MELTF: variants seen among roughly 807,000 people sequenced by gnomAD.
The protein encoded by MELTF is antigen p97 (melanoma associated) identified by monoclonal antibodies 133.2 and 96.5.
A neutral mutation model predicts 83.7 loss-of-function variants in MELTF; 67 were observed. The observed-to-expected ratio is 0.80, with a 90% CI of 0.66 to 0.98. The LOEUF (loss-of-function observed/expected upper bound fraction) is 0.98, where lower values mean the gene tolerates loss of function less well. Among genes scored for constraint, MELTF ranks in the 50% least tolerant of loss-of-function variants. The pLI, the probability that MELTF is intolerant of heterozygous loss-of-function variation, is 0.00. For missense variants in MELTF, 1,002 were observed against 1,035.6 expected, an observed-to-expected ratio of 0.97 and a Z score of 0.44; for synonymous variants, 462 against 447.6, an observed-to-expected ratio of 1.03 and a Z score of -0.41.
chr3:197,016,303 G>A lies in MELTF; in HGVS notation c.967C>T (p.Leu323=). ...FSSEAYGQKD[L]LFKDSTSELV... Reference sequence around the variant, plus strand: ...TCCGAGGTAGAGTCTTTGAAGAGTAGATCCTTCTGGCCATAGGCCTCAGAG... The same window carrying A: ...TCCGAGGTAGAGTCTTTGAAGAGTAAATCCTTCTGGCCATAGGCCTCAGAG... The change falls in exon 8 of 16, where the codon CTA becomes TTA. Residue 323 remains leucine, a synonymous_variant. Transcript: ENST00000296350. The A allele has an allele frequency of 6.2e-7, 1 of 1,613,010 alleles. No individual in the cohort carries two copies. Among genetic ancestry groups the A allele is most frequent in the Non-Finnish European group, 8.5e-7 (1 of 1,179,402 alleles).
chr3:197,019,546 T>C (rs1049250276), intron 6 of MELTF: 1 of 1,557,054 alleles, frequency 6.4e-7, no homozygotes, highest in African/African-American at 1.3e-5. Context: ...GAGACCAGCC[T>C]GGGCAACATG....
intron 4 of MELTF, 109 bp from the exon 5 acceptor site, chr3:197,023,222 G>T: frequency 1.8e-6 from 2 of 1,112,006 alleles, no homozygotes; most frequent in Non-Finnish European, 2.6e-6. Context: ...TGCTGAGAAT[G>T]GTTCCACCTT....
Position 197,024,577 on chromosome 3 carries a change from G to T in MELTF, c.305-92C>A. The T allele has an allele frequency of 8.4e-7, 1 of 1,186,268 alleles. No homozygotes were observed. The highest frequency in any genetic ancestry group is 1.2e-6 in the Non-Finnish European group (1 of 842,102). The allele number at this position is 1,186,268 out of a possible 1,614,324, so 73.5% of individuals were successfully genotyped here. ...TGCCTGGGCGGGCTGTGGGAGAGGT[G>T]TGTGCACGGAGCACGGCTGTACACA... On this transcript the variant is annotated intron_variant, in intron 3 of 15. Transcript: ENST00000296350. This position sits in a 1 kb window ranked among gnomAD's most constrained non-coding sequence, Gnocchi z 5.3.
intron 2 of MELTF, 115 bp downstream of exon 2, chr3:197,027,641 A>G (rs1315031242): frequency 2.7e-5 from 35 of 1,303,670 alleles, no homozygotes; most frequent in Admixed American, 1.2e-4. Flanking sequence ...GGGAGATCCT[A>G]TCGGCCGGGC....
At position 197,003,432 on chromosome 3, in the gene MELTF, CG is replaced by C; in HGVS notation, c.2156del (p.Ala719GlyfsTer77). ...CGGGCAGCAGCAGCGGGAGCAGGGG[CG>C]CCCCGGGCGCCGGGGCCGCTGGGGA... ...CSGAAAPAPG[A>X]PLLPLLLPAL... On this transcript the variant is annotated frameshift_variant, in exon 16 of 16. Coordinates refer to ENST00000296350, the MANE Select transcript of MELTF (RefSeq NM_005929.6). LOFTEE classifies it low-confidence loss of function (END_TRUNC). The surrounding 1 kb of genome is among the most constrained non-coding windows in gnomAD (Gnocchi z 6.2). 1 of 1,071,286 alleles carries C rather than the reference CG, an allele frequency of 9.3e-7. No individual in the cohort carries two copies. The highest frequency in any genetic ancestry group is 1.7e-5 in the African/African-American group (1 of 57,184). 66.4% of individuals were successfully genotyped at this position (1,071,286 alleles called of 1,614,324 possible). A position where few individuals can be genotyped will look rare whatever the true frequency, so the allele number is the denominator to read the frequency against.
rs1719185928 is a variant in MELTF at position 197,011,508 on chromosome 3, G to A, written c.1234-714C>T. The stretch of plus-strand genomic sequence containing the variant: ...GGGATGACAGTGTGACAGTGGGGGA[G>A]AGTGCGGACACCTGTGCCCCAGGAA... On this transcript the variant is annotated intron_variant, in intron 9 of 15. Transcript: ENST00000296350. This position sits in a 1 kb window ranked among gnomAD's most constrained non-coding sequence, Gnocchi z 4.2. Among the ~76,000 whole-genome samples, 1 of 152,338 alleles carries A rather than the reference G, an allele frequency of 6.6e-6. No individual in the cohort carries two copies. The highest frequency in any genetic ancestry group is 1.9e-4 in the East Asian group (1 of 5,178).
In MELTF at chr3:197,022,887, G is replaced by T; in HGVS notation, c.644+70C>A. On this transcript the variant is annotated intron_variant, in intron 5 of 15. Coordinates refer to ENST00000296350, the MANE Select transcript of MELTF (RefSeq NM_005929.6). This position sits in a 1 kb window ranked among gnomAD's most constrained non-coding sequence, Gnocchi z 5.1. Reference sequence around the variant, plus strand: ...TCCACGGCCCTCTCTGGGCAAAGGTGTTTTTCCCCAGCATTTGTGGCCTCA... The same window carrying T: ...TCCACGGCCCTCTCTGGGCAAAGGTTTTTTTCCCCAGCATTTGTGGCCTCA... The T allele has an allele frequency of 6.8e-7, 1 of 1,467,144 alleles. No individual in the cohort carries two copies. The highest frequency in any genetic ancestry group is 9.2e-7 in the Non-Finnish European group (1 of 1,081,142). The allele number at this position is 1,467,144 out of a possible 1,614,324, so 90.9% of individuals were successfully genotyped here.
rs1033931242 is a variant in MELTF at position 197,011,221 on chromosome 3, G to T, written c.1234-427C>A. On this transcript the variant is annotated intron_variant, in intron 9 of 15. Coordinates refer to ENST00000296350, the MANE Select transcript of MELTF (RefSeq NM_005929.6). The surrounding 1 kb of genome is among the most constrained non-coding windows in gnomAD (Gnocchi z 4.2). ...TGCAATGCCTGTCTGTTAAATGCGT[G>T]TACAGATGGAAGAATGACCGGATCT... 9.9e-5 allele frequency among the ~76,000 whole-genome samples: 15 copies of T among 152,246 alleles called. No homozygotes were observed. Among genetic ancestry groups the T allele is most frequent in the Non-Finnish European group, 1.9e-4 (13 of 68,032 alleles).
intron 2 of MELTF, among the ~76,000 whole-genome samples, chr3:197,027,373 T>G (rs1001981650): frequency 2.1e-4 from 32 of 152,056 alleles, no homozygotes; most frequent in African/African-American, 7.7e-4. Flanking sequence ...CACCTGGGAG[T>G]CCAGCCCCTG....
chr3:197,011,457 A>G lies in MELTF; in HGVS notation c.1234-663T>C, dbSNP rs182626384. 3.5e-4 allele frequency among the ~76,000 whole-genome samples: 53 copies of G among 152,294 alleles called. No homozygotes were observed. Among genetic ancestry groups the G allele is most frequent in the African/African-American group, 1.2e-3 (49 of 41,566 alleles). ...AGGGGCTAACTGGTAACAGAGCCAT[A>G]GTAGTGTGATTAACCTCAAGGGAAG... On this transcript the variant is annotated intron_variant, in intron 9 of 15. Coordinates refer to ENST00000296350, the MANE Select transcript of MELTF (RefSeq NM_005929.6). The surrounding 1 kb of genome is among the most constrained non-coding windows in gnomAD (Gnocchi z 4.2).
Position 197,003,463 on chromosome 3 carries a change from C to T in MELTF, c.2138-12G>A. The T allele has an allele frequency of 9.7e-7, 1 of 1,028,520 alleles. No individual in the cohort carries two copies. The highest frequency in any genetic ancestry group is 1.1e-6 in the Non-Finnish European group (1 of 870,264). 63.7% of individuals were successfully genotyped at this position (1,028,520 alleles called of 1,614,324 possible). ...GGGCGCCGGGGCCGCTGGGGACGAA[C>T]GCGGCGGGTCAGGCCCCGAAGCCCG... On this transcript the variant is annotated splice_polypyrimidine_tract_variant and intron_variant, in intron 15 of 15. Transcript: ENST00000296350. This position sits in a 1 kb window ranked among gnomAD's most constrained non-coding sequence, Gnocchi z 6.2.
Position 197,007,781 on chromosome 3 carries a change from CACTA to C in MELTF, c.1750+872_1750+875del, listed in dbSNP as rs923238993. On this transcript the variant is annotated intron_variant, in intron 13 of 15. Transcript: ENST00000296350. The surrounding 1 kb of genome is among the most constrained non-coding windows in gnomAD (Gnocchi z 4.3). ...AGGAGGCAAGATCCAAGTTTTGAAA[CACTA>C]ACTGAGGTTTTCGTTTTTTTCCCTG... 5.9e-5 allele frequency among the ~76,000 whole-genome samples: 9 copies of C among 152,344 alleles called. No homozygotes were observed. Among genetic ancestry groups the C allele is most frequent in the South Asian group, 2.1e-4 (1 of 4,828 alleles).
chr3:197,021,017 C>T (rs768861258), intron 6 of MELTF, among the ~76,000 whole-genome samples: 11 of 152,184 alleles, frequency 7.2e-5, no homozygotes, highest in African/African-American at 2.7e-4. Context: ...ACAAATTCTC[C>T]AGGCAAGAGG....
Position 197,027,803 on chromosome 3 carries a change from G to A in MELTF, c.157C>T (p.Leu53Phe), listed in dbSNP as rs1719920804. The A allele has an allele frequency of 2.5e-6, 4 of 1,611,200 alleles. No individual in the cohort carries two copies. The highest frequency in any genetic ancestry group is 3.4e-6 in the Non-Finnish European group (4 of 1,179,220). ...FREAGIQPSLLCVRGTSADHC... is the reference protein window; with the variant it reads ...FREAGIQPSLFCVRGTSADHC... Reference sequence around the variant, plus strand: ...TCGGCGGAGGTGCCCCGGACGCAGAGGAGGGAGGGCTGGATGCCCGCTTCC... The same window carrying A: ...TCGGCGGAGGTGCCCCGGACGCAGAAGAGGGAGGGCTGGATGCCCGCTTCC... The change falls in exon 2 of 16, where the codon CTC becomes TTC. Residue 53 changes from leucine (L) to phenylalanine (F), a missense_variant. By Grantham distance (22) the Leu-to-Phe change is conservative. Transcript: ENST00000296350.
At chr3:197,021,622 G>A (rs1560221173) in intron 5 of MELTF, 151 bp from the exon 6 acceptor site, 5 of 692,780 alleles carry the variant, frequency 7.2e-6, no homozygotes, top group South Asian at 5.3e-5. Context: ...CTGGCTGGTC[G>A]GCTGTGTGCC....
intron 14 of MELTF, among the ~76,000 whole-genome samples, chr3:197,005,048 G>A (rs954506937): frequency 6.6e-6 from 1 of 152,232 alleles, no homozygotes; most frequent in African/African-American, 2.4e-5. Flanking sequence ...GAACAGGCCT[G>A]GCGAGCCAGC....
rs1718841221 is a variant in MELTF at position 197,003,487 on chromosome 3, C to T, written c.2138-36G>A. 7.3e-6 allele frequency: 5 copies of T among 687,116 alleles called. No homozygotes were observed. Among genetic ancestry groups the T allele is most frequent in the Non-Finnish European group, 8.7e-6 (5 of 574,228 alleles). 42.6% of individuals were successfully genotyped at this position (687,116 alleles called of 1,614,324 possible). Reference sequence around the variant, plus strand: ...ACGCGGCGGGTCAGGCCCCGAAGCCCGGGCCGCGGTGGCCGCCTCAGGCGC... The same window carrying T: ...ACGCGGCGGGTCAGGCCCCGAAGCCTGGGCCGCGGTGGCCGCCTCAGGCGC... On this transcript the variant is annotated intron_variant, in intron 15 of 15. Coordinates refer to ENST00000296350, the MANE Select transcript of MELTF (RefSeq NM_005929.6). This position sits in a 1 kb window ranked among gnomAD's most constrained non-coding sequence, Gnocchi z 6.2.
intron 4 of MELTF, chr3:197,023,776 T>A (rs1334806074): frequency 2.2e-6 from 1 of 453,566 alleles, no homozygotes; most frequent in African/African-American, 2.0e-5. Flanking sequence ...ATATGCCAAG[T>A]GCCTGGTGAG....
In MELTF at chr3:197,007,422, A is replaced by G. The variant is rs1719018397; in HGVS notation, c.1751-686T>C. Among the ~76,000 whole-genome samples, 1 of 152,176 alleles carries G rather than the reference A, an allele frequency of 6.6e-6. No individual in the cohort carries two copies. Among genetic ancestry groups the G allele is most frequent in the South Asian group, 2.1e-4 (1 of 4,826 alleles). ...TCCATCCTCCTCCCATTTCCAGGAA[A>G]TCCAGGTGGGCCTTGAGGAGAGCTA... On this transcript the variant is annotated intron_variant, in intron 13 of 15. Transcript: ENST00000296350. This position sits in a 1 kb window ranked among gnomAD's most constrained non-coding sequence, Gnocchi z 4.3.
Sources: allele counts gnomAD v4.1 joint callset (sites outside exome capture counted in the v4.1 genomes callset), GRCh38; gene constraint gnomAD v4.1.1; non-coding constraint Gnocchi (gnomAD v3.1); transcripts MANE v1.5; gene names NCBI Gene and HGNC (gene_info 2026-07-23, HGNC 2026-07-21).